CD300LD: variants seen among roughly 807,000 people sequenced by gnomAD.
CD300LD encodes the protein CMRF35-like molecule 5.
In CD300LD, 18 loss-of-function variants were observed where a neutral mutation model predicts 20.3. The observed-to-expected ratio is 0.89, with a 90% CI of 0.61 to 1.32. The LOEUF (loss-of-function observed/expected upper bound fraction) is 1.32. Ranked by LOEUF, CD300LD falls within the 40% of genes most tolerant of loss-of-function variation. The pLI, the probability that CD300LD is intolerant of heterozygous loss-of-function variation, is 0.00. For synonymous variants in CD300LD, 104 were observed against 90.1 expected (o/e 1.15, Z -0.87); for missense variants, 195 against 226.6 (o/e 0.86, Z 0.90).
intron 1 of CD300LD, among the ~76,000 whole-genome samples, chr17:74,589,122 T>C (rs1264945284): frequency 2.0e-5 from 3 of 152,256 alleles, no homozygotes; most frequent in African/African-American, 4.8e-5. Flanking sequence ...TCTTTCCCTA[T>C]GGCCAGCAAA....
At chr17:74,591,260 A>AT (rs1483173242) in intron 1 of CD300LD, among the ~76,000 whole-genome samples, 65 of 104,286 alleles carry the variant, frequency 6.2e-4, no homozygotes, top group Non-Finnish European at 2.2e-4. Flanking sequence ...CAAAAAAAAA[A>AT]AAAATAAAAA....
chr17:74,583,543 G>T lies in CD300LD; in HGVS notation c.380-1232C>A, dbSNP rs577565505. Among the ~76,000 whole-genome samples the T allele has an allele frequency of 4.6e-5, 7 of 152,282 alleles. No homozygotes were observed. In the South Asian group the frequency reaches 1.5e-3, roughly 32 times the overall value. ...TACGCCACCCAGTCTGTGGTATTTT[G>T]TTGTGACAGCCTTAGCTAAGGGATG... On this transcript the variant is annotated intron_variant, in intron 2 of 3. Transcript: ENST00000375352.
chr17:74,581,881 C>T (rs1004826149), intron 3 of CD300LD, among the ~76,000 whole-genome samples: 2 of 152,100 alleles, frequency 1.3e-5, no homozygotes, highest in Non-Finnish European at 2.9e-5. Context: ...GGCAGGCCAT[C>T]GGAGGTTTGC....
At chr17:74,585,226 C>T (rs2030129958) in intron 2 of CD300LD, among the ~76,000 whole-genome samples, 1 of 152,132 alleles carries the variant, frequency 6.6e-6, no homozygotes, top group African/African-American at 2.4e-5. Context: ...CAGAGTAGGA[C>T]CAGGATTAAA....
chr17:74,584,813 G>T, intron 2 of CD300LD: 1 of 154,428 alleles, frequency 6.5e-6, no homozygotes. Flanking sequence ...AGTGGTGGCC[G>T]GGACAGGAAC....
chr17:74,579,383 G>C lies in CD300LD; in HGVS notation c.*619C>G, dbSNP rs1197298102. 1 of 152,182 alleles carries C rather than the reference G, an allele frequency of 6.6e-6. No individual in the cohort carries two copies. The highest frequency in any genetic ancestry group is 1.5e-5 in the Non-Finnish European group (1 of 68,080). The allele number at this position is 152,182 out of a possible 1,614,324, so 9.4% of individuals were successfully genotyped here. On this transcript the variant is annotated 3_prime_UTR_variant, in exon 4 of 4. Transcript: ENST00000375352. ...GATCACGAATGTCCACTACGGCATA[G>C]GTGCCTCTCGGGGGAAACACATTCT... is the stretch of plus-strand genomic sequence containing the variant.
chr17:74,584,154 TGTGAA>T (rs1409030095), intron 2 of CD300LD, among the ~76,000 whole-genome samples: 1 of 152,222 alleles, frequency 6.6e-6, no homozygotes, highest in East Asian at 1.9e-4. Flanking sequence ...CAGGTCTCTG[TGTGAA>T]CATAAAACTT....
intron 3 of CD300LD, among the ~76,000 whole-genome samples, chr17:74,580,708 C>T (rs1289196564): frequency 1.3e-5 from 2 of 152,148 alleles, no homozygotes; most frequent in South Asian, 2.1e-4. Flanking sequence ...GACCTCCCAA[C>T]TTGGGCCTTC....
chr17:74,592,101 G>C, intron 1 of CD300LD, 62 bp downstream of exon 1: 1 of 1,614,054 alleles, frequency 6.2e-7, no homozygotes, highest in Non-Finnish European at 8.5e-7. Context: ...TGAGAACAGA[G>C]CGTCTCTGTC....
chr17:74,589,855 G>A (rs878993232), intron 1 of CD300LD, among the ~76,000 whole-genome samples: 1 of 152,178 alleles, frequency 6.6e-6, no homozygotes, highest in Admixed American at 6.5e-5. Context: ...AGAAGCCCTG[G>A]GGGCAATTCC....
chr17:74,588,150 C>T (rs771038604), intron 2 of CD300LD, among the ~76,000 whole-genome samples: 1 of 152,148 alleles, frequency 6.6e-6, no homozygotes, highest in Admixed American at 6.6e-5. Context: ...CCAGGCACCT[C>T]GTGGTGGCGG....
At chr17:74,589,276 G>C (rs2030249140) in intron 1 of CD300LD, among the ~76,000 whole-genome samples, 1 of 150,198 alleles carries the variant, frequency 6.7e-6, no homozygotes. Context: ...ATGGTTTCTG[G>C]TGGCTCTGCT....
chr17:74,582,329 A>T lies in CD300LD; in HGVS notation c.380-18T>A. 1.9e-6 allele frequency: 3 copies of T among 1,607,912 alleles called. No homozygotes were observed. Among genetic ancestry groups the T allele is most frequent in the Non-Finnish European group, 2.6e-6 (3 of 1,175,322 alleles). On this transcript the variant is annotated intron_variant, in intron 2 of 3. Transcript: ENST00000375352. Reference sequence around the variant, plus strand: ...TTGTGTGCCTAAACATACAAAGCAGAACACGGTTCACCCCTTCCATGGATG... The same window carrying T: ...TTGTGTGCCTAAACATACAAAGCAGTACACGGTTCACCCCTTCCATGGATG...
At chr17:74,591,781 G>A (rs963986303) in intron 1 of CD300LD, among the ~76,000 whole-genome samples, 1 of 138,538 alleles carries the variant, frequency 7.2e-6, no homozygotes, top group South Asian at 2.2e-4. Flanking sequence ...AGTGAAAGAA[G>A]CACTCCAGCC....
chr17:74,591,354 G>A (rs951402151), intron 1 of CD300LD, among the ~76,000 whole-genome samples: 1 of 151,178 alleles, frequency 6.6e-6, no homozygotes, highest in Admixed American at 6.6e-5. Flanking sequence ...AGCTTGATCT[G>A]AGTATAGATA....
chr17:74,588,379 G>A (rs577046647), intron 2 of CD300LD, 132 bp downstream of exon 2: 1 of 612,472 alleles, frequency 1.6e-6, no homozygotes, highest in Admixed American at 2.9e-5. Context: ...TCAAACCATA[G>A]CAAGACCTCA....
intron 1 of CD300LD, among the ~76,000 whole-genome samples, chr17:74,591,188 A>G (rs2030303944): frequency 6.6e-6 from 1 of 151,304 alleles, no homozygotes; most frequent in Admixed American, 6.6e-5. Flanking sequence ...CCAAAGTGGG[A>G]GGATCACTTG....
At chr17:74,583,808 A>T (rs560616258) in intron 2 of CD300LD, among the ~76,000 whole-genome samples, 1 of 137,368 alleles carries the variant, frequency 7.3e-6, no homozygotes, top group African/African-American at 2.8e-5. Context: ...GTTGCAGTGC[A>T]GTGGCATGAT....
intron 1 of CD300LD, chr17:74,590,398 G>A (rs1433345608): frequency 1.3e-5 from 2 of 151,980 alleles, no homozygotes; most frequent in Admixed American, 6.6e-5. Flanking sequence ...TTCTATAAGT[G>A]GGAATAGTAA....
Sources: gnomAD v4.1 joint callset for allele counts (sites outside exome capture counted in the v4.1 genomes callset) on GRCh38, gnomAD v4.1.1 for gene constraint, MANE v1.5 for transcripts, NCBI Gene and HGNC (gene_info 2026-07-23, HGNC 2026-07-21) for gene names.